Variants in TLK1 observed in about 807,000 individuals in gnomAD.
TLK1 encodes tousled like kinase 1.
Under a neutral mutation model 105.3 loss-of-function variants are expected in TLK1, and 24 were observed. The observed-to-expected ratio is 0.23, with a 90% CI of 0.17 to 0.32. The LOEUF is 0.32. Ranked by LOEUF, TLK1 falls within the 10% of genes least tolerant of loss-of-function variation. The pLI, the probability that TLK1 is intolerant of heterozygous loss-of-function variation, is 1.00. For synonymous variants in TLK1, 321 were observed against 310.4 expected (o/e 1.03, Z -0.36); for missense variants, 558 against 910.5 (o/e 0.61, Z 4.98).
intron 1 of TLK1, among the ~76,000 whole-genome samples, chr2:171,222,733 C>A (rs1161798768): frequency 6.6e-6 from 1 of 152,120 alleles, no homozygotes; most frequent in South Asian, 2.1e-4. Context: ...TTTATCATTT[C>A]TTTGTGTTAG....
chr2:171,185,961 T>G (rs1211180521), intron 1 of TLK1, among the ~76,000 whole-genome samples: 2 of 152,240 alleles, frequency 1.3e-5, no homozygotes, highest in East Asian at 3.8e-4. Flanking sequence ...CACTAACTAC[T>G]AAGTGCTGGC....
chr2:171,047,126 C>G (rs1687000069), intron 10 of TLK1, among the ~76,000 whole-genome samples: 1 of 152,108 alleles, frequency 6.6e-6, no homozygotes, highest in Non-Finnish European at 1.5e-5. Flanking sequence ...GCTTCCCATT[C>G]AAGAAACTGA....
intron 12 of TLK1, among the ~76,000 whole-genome samples, chr2:171,024,183 T>C (rs1685667357): frequency 6.6e-6 from 1 of 152,302 alleles, no homozygotes; most frequent in South Asian, 2.1e-4. Context: ...GAATAATTTG[T>C]ATAGTCTCCA....
intron 2 of TLK1, among the ~76,000 whole-genome samples, chr2:171,105,434 C>T (rs1689877579): frequency 1.3e-5 from 2 of 152,162 alleles, no homozygotes. Context: ...GCCTGTAATC[C>T]CAGCACTTTG....
intron 2 of TLK1, among the ~76,000 whole-genome samples, chr2:171,099,745 C>G (rs1205013544): frequency 2.0e-5 from 3 of 152,106 alleles, no homozygotes; most frequent in Non-Finnish European, 4.4e-5. Context: ...CAGGACAATT[C>G]AAAGGGAGAA....
At chr2:171,143,663 A>G (rs931358832) in intron 1 of TLK1, among the ~76,000 whole-genome samples, 5 of 152,096 alleles carry the variant, frequency 3.3e-5, no homozygotes, top group African/African-American at 1.2e-4. Flanking sequence ...AGATATATAA[A>G]TGTAAACCCT....
At chr2:171,072,663 G>A (rs1688316506) in intron 3 of TLK1, among the ~76,000 whole-genome samples, 1 of 152,178 alleles carries the variant, frequency 6.6e-6, no homozygotes, top group African/African-American at 2.4e-5. Context: ...AGCTACTGGG[G>A]AGGCTGAGGC....
intron 1 of TLK1, among the ~76,000 whole-genome samples, chr2:171,199,185 T>C (rs573386089): frequency 6.6e-6 from 1 of 152,274 alleles, no homozygotes; most frequent in African/African-American, 2.4e-5. Context: ...GGCTAGCCCA[T>C]AAAATCATGC....
At chr2:171,066,883 T>C (rs1028188071) in intron 3 of TLK1, 2 of 1,552,222 alleles carry the variant, frequency 1.3e-6, no homozygotes, top group Admixed American at 2.0e-5. Flanking sequence ...AAAACAGCCA[T>C]TTAGAACAAC....
chr2:171,150,165 C>A (rs1409098739), intron 1 of TLK1, among the ~76,000 whole-genome samples: 1 of 152,120 alleles, frequency 6.6e-6, no homozygotes, highest in Non-Finnish European at 1.5e-5. Context: ...ATGCTCACCT[C>A]ATGCCTGCTG....
chr2:171,191,782 G>A (rs1483851582), intron 1 of TLK1, among the ~76,000 whole-genome samples: 1 of 151,976 alleles, frequency 6.6e-6, no homozygotes, highest in Non-Finnish European at 1.5e-5. Context: ...CATAAGAAAG[G>A]GTTTACCCAG....
At chr2:171,054,300 A>G (rs1304486894) in intron 7 of TLK1, 3 of 152,428 alleles carry the variant, frequency 2.0e-5, no homozygotes, top group South Asian at 2.1e-4. Flanking sequence ...CTACTCTCTT[A>G]GCAATTTTCA....
rs960493835 is a variant in TLK1, at chr2:171,160,049, C to G, written c.139+241G>C. Reference sequence around the variant, plus strand: ...CCAGGCGAGTCTATGCGCCTCGCCCCGTCCCCACCAGCGCGCACCCCCTCG... The same window carrying G: ...CCAGGCGAGTCTATGCGCCTCGCCCGGTCCCCACCAGCGCGCACCCCCTCG... On this transcript the variant is annotated intron_variant, in intron 1 of 20. Transcript: ENST00000431350. The surrounding 1 kb of genome is among the most constrained non-coding windows in gnomAD (Gnocchi z 4.4). Among the ~76,000 whole-genome samples the G allele has an allele frequency of 1.3e-5, 2 of 152,142 alleles. No individual in the cohort carries two copies. Among genetic ancestry groups the G allele is most frequent in the Non-Finnish European group, 1.5e-5 (1 of 67,996 alleles).
intron 2 of TLK1, among the ~76,000 whole-genome samples, chr2:171,106,610 T>C (rs1040455413): frequency 2.0e-5 from 3 of 152,220 alleles, no homozygotes; most frequent in African/African-American, 7.2e-5. Context: ...TCCTAGATAA[T>C]GTATTTACCT....
chr2:171,017,080 A>C (rs1283659779), intron 12 of TLK1, among the ~76,000 whole-genome samples: 1 of 152,204 alleles, frequency 6.6e-6, no homozygotes, highest in African/African-American at 2.4e-5. Flanking sequence ...CAATAATCAA[A>C]GTTTCATAAA....
chr2:171,084,971 A>C (rs1366465897), intron 2 of TLK1, among the ~76,000 whole-genome samples: 1 of 152,142 alleles, frequency 6.6e-6, no homozygotes, highest in South Asian at 2.1e-4. Context: ...AAAAGAAATG[A>C]AGAGATGAAA....
intron 13 of TLK1, among the ~76,000 whole-genome samples, chr2:171,014,649 G>C (rs1685086109): frequency 6.6e-6 from 1 of 152,112 alleles, no homozygotes. Flanking sequence ...AGAAGGGAAT[G>C]CTCTTGACAT....
intron 1 of TLK1, among the ~76,000 whole-genome samples, chr2:171,224,439 A>C (rs1018677142): frequency 2.0e-5 from 3 of 150,070 alleles, no homozygotes; most frequent in Non-Finnish European, 4.5e-5. Context: ...AAATTTCATA[A>C]TTTTTTTTTT....
At chr2:171,150,084 G>A (rs907032330) in intron 1 of TLK1, among the ~76,000 whole-genome samples, 1 of 152,140 alleles carries the variant, frequency 6.6e-6, no homozygotes, top group African/African-American at 2.4e-5. Flanking sequence ...TTAAGTGCAA[G>A]GCATGTGTTA....
Sources: gnomAD v4.1 joint callset for allele counts (sites outside exome capture counted in the v4.1 genomes callset) on GRCh38, gnomAD v4.1.1 for gene constraint, Gnocchi (gnomAD v3.1) non-coding constraint, MANE v1.5 for transcripts, NCBI Gene and HGNC (gene_info 2026-07-23, HGNC 2026-07-21) for gene names.